Variants in VILL observed in about 807,000 individuals in gnomAD.
VILL encodes the protein villin like, also known as villin-like protein.
VILL carries 102 observed loss-of-function variants against 106.3 expected under a neutral mutation model. That is an observed-to-expected ratio of 0.96 (90% confidence interval 0.82 to 1.13). The LOEUF is 1.13. Ranked by LOEUF, VILL falls within the 50% of genes most tolerant of loss-of-function variation. The pLI, the probability that VILL is intolerant of heterozygous loss-of-function variation, is 0.00. For missense variants in VILL, 1,076 were observed against 1,116.6 expected, an observed-to-expected ratio of 0.96 and a Z score of 0.52; for synonymous variants, 431 against 440.3, an observed-to-expected ratio of 0.98 and a Z score of 0.27.
At chr3:38,002,789 C>T in intron 14 of VILL, 1 of 604,286 alleles carries the variant, frequency 1.7e-6, no homozygotes, top group Non-Finnish European at 2.8e-6. Context: ...CAGAGCCAGG[C>T]CCAGGCCGCC....
At chr3:38,005,132 C>T (rs1417018624) in intron 16 of VILL, among the ~76,000 whole-genome samples, 1 of 151,960 alleles carries the variant, frequency 6.6e-6, no homozygotes, top group Admixed American at 6.6e-5. Context: ...TGTGTGTTCT[C>T]TGCATCTCTG....
In VILL at chr3:38,002,439, C is replaced by G; in HGVS notation, c.1523C>G (p.Thr508Arg). Reference sequence around the variant, plus strand: ...GGAAAGGGGCAGTCAGCATCCACCACAAGGCTTTTCCAAGTGCAAGGCACT... The same window carrying G: ...GGAAAGGGGCAGTCAGCATCCACCAGAAGGCTTTTCCAAGTGCAAGGCACT... Reference protein sequence around the residue: ...HHGKGQSASTTRLFQVQGTDS... With the variant: ...HHGKGQSASTRRLFQVQGTDS... Residue 508 changes from threonine to arginine, a missense_variant, in exon 14 of 20, where the codon ACA (threonine) becomes AGA (arginine). Coordinates refer to ENST00000383759, the MANE Select transcript of VILL (RefSeq NM_015873.4). 1 of 1,614,042 alleles carries G rather than the reference C, an allele frequency of 6.2e-7. No homozygotes were observed. Among genetic ancestry groups the G allele is most frequent in the Non-Finnish European group, 8.5e-7 (1 of 1,179,934 alleles).
At chr3:38,002,815 C>T (rs528975426) in intron 14 of VILL, 1 of 573,858 alleles carries the variant, frequency 1.7e-6, no homozygotes, top group East Asian at 3.0e-5. Context: ...TCCTTACTGC[C>T]TGGAGCACAG....
upstream of VILL, among the ~76,000 whole-genome samples, chr3:37,988,985 A>G (rs1256803817): frequency 6.6e-6 from 1 of 152,174 alleles, no homozygotes; most frequent in African/African-American, 2.4e-5. Context: ...AAATCTTAGG[A>G]AAAAAGATCC....
chr3:37,995,875 C>T (rs1292043931), intron 5 of VILL, 28 bp downstream of exon 5: 1 of 1,596,646 alleles, frequency 6.3e-7, no homozygotes, highest in African/African-American at 1.3e-5. Flanking sequence ...GCCTCTTGAC[C>T]TCTGAACTCG....
At chr3:38,002,281 G>C (rs1298363794) in intron 13 of VILL, 115 bp from the exon 14 acceptor site, 1 of 949,400 alleles carries the variant, frequency 1.1e-6, no homozygotes. Flanking sequence ...TCACCAGTGA[G>C]GGCCTTGATG....
Position 38,001,688 on chromosome 3 carries a change from GC to G in VILL, c.1321-9del. 6.2e-7 allele frequency: 1 copy of G among 1,614,038 alleles called. No homozygotes were observed. The highest frequency in any genetic ancestry group is 8.5e-7 in the Non-Finnish European group (1 of 1,179,898). Reference sequence around the variant, plus strand: ...GAGCTGGGCCAGGCCCTCACTCACTGCCCCCACCTGCAGGGCCACCAGGCCA... The same window carrying G: ...GAGCTGGGCCAGGCCCTCACTCACTGCCCCACCTGCAGGGCCACCAGGCCA... On this transcript the variant is annotated splice_polypyrimidine_tract_variant and intron_variant, in intron 12 of 19. Coordinates refer to ENST00000383759, the MANE Select transcript of VILL (RefSeq NM_015873.4).
At chr3:38,000,442 A>C (rs1699791856) in intron 11 of VILL, among the ~76,000 whole-genome samples, 1 of 151,560 alleles carries the variant, frequency 6.6e-6, no homozygotes, top group South Asian at 2.1e-4. Flanking sequence ...GTGGAGGAAG[A>C]GCAGGGAGAG....
At chr3:38,006,298 G>A (rs758935381) in intron 18 of VILL, 46 bp downstream of exon 18, 96 of 1,613,572 alleles carry the variant, frequency 5.9e-5, no homozygotes, top group Admixed American at 2.5e-4. Context: ...CCTGGGCTCC[G>A]ACAGCATGGT....
rs1224272117 is a variant in VILL at position 37,994,478 on chromosome 3, G to T, written c.341+12G>T. On this transcript the variant is annotated intron_variant, in intron 4 of 19. Coordinates refer to ENST00000383759, the MANE Select transcript of VILL (RefSeq NM_015873.4). ...CGCCCGGGAATCATGTGAGTGCGGG[G>T]GCGACCGGGGCAGGAGGGAGCCGTG... 2 of 1,610,676 alleles carry T rather than the reference G, an allele frequency of 1.2e-6. No individual in the cohort carries two copies. The highest frequency in any genetic ancestry group is 3.4e-5 in the Admixed American group (2 of 59,412).
chr3:38,000,095 G>T (rs898771643), intron 11 of VILL, among the ~76,000 whole-genome samples: 1 of 152,254 alleles, frequency 6.6e-6, no homozygotes, highest in Admixed American at 6.5e-5. Context: ...TAAATAAAGT[G>T]GGGTCAGAAA....
chr3:37,990,023 T>G (rs939780386), upstream of VILL, among the ~76,000 whole-genome samples: 1 of 152,146 alleles, frequency 6.6e-6, no homozygotes, highest in Non-Finnish European at 1.5e-5. The surrounding 1 kb of genome is among the most constrained non-coding windows in gnomAD (Gnocchi z 5.1). Flanking sequence ...TTTAGCAGCG[T>G]GGCTTTGATG....
chr3:38,002,010 C>A, intron 13 of VILL, 150 bp downstream of exon 13: 1 of 1,308,742 alleles, frequency 7.6e-7, no homozygotes, highest in South Asian at 1.3e-5. Context: ...CCAGGAGCTC[C>A]AAGGTTGGCC....
At chr3:38,005,701 T>C in intron 16 of VILL, 91 bp from the exon 17 acceptor site, 1 of 1,428,030 alleles carries the variant, frequency 7.0e-7, no homozygotes. Context: ...TGGGGTTCTG[T>C]CTGGGACAAC....
rs773491575 is a variant in VILL, at chr3:37,993,886, C to T, written c.61-12C>T. The stretch of plus-strand genomic sequence containing the variant: ...GCCTCCTGAGTTGTTACAGGGAACT[C>T]TCCTCTCCCAGAACCGGAAGATGGT... On this transcript the variant is annotated splice_polypyrimidine_tract_variant and intron_variant, in intron 2 of 19. Transcript: ENST00000383759. The T allele has an allele frequency of 6.2e-7, 1 of 1,614,188 alleles. No individual in the cohort carries two copies. Among genetic ancestry groups the T allele is most frequent in the South Asian group, 1.1e-5 (1 of 91,080 alleles).
chr3:38,004,501 G>C (rs1051503050), intron 16 of VILL, 102 bp downstream of exon 16: 4 of 1,476,606 alleles, frequency 2.7e-6, no homozygotes, highest in Non-Finnish European at 3.7e-6. Context: ...TGTACACAGG[G>C]CTGTGGGTGA....
chr3:37,996,715 A>G (rs1007337480), intron 5 of VILL, among the ~76,000 whole-genome samples: 3 of 152,134 alleles, frequency 2.0e-5, no homozygotes, highest in African/African-American at 7.2e-5. Flanking sequence ...TTTACTCTCA[A>G]AAGTGTGTCC....
chr3:38,001,241 G>A (rs945418301), intron 11 of VILL: 3 of 674,370 alleles, frequency 4.4e-6, no homozygotes, highest in Non-Finnish European at 7.4e-6. Flanking sequence ...CAAGTGTGGT[G>A]GGTTTCAGGG....
chr3:37,993,756 G>A, intron 2 of VILL, 24 bp downstream of exon 2: 1 of 1,613,338 alleles, frequency 6.2e-7, no homozygotes, highest in Non-Finnish European at 8.5e-7. Context: ...CCAAATAGGA[G>A]AGTTGGTGAC....
Sources: gnomAD v4.1 joint callset for allele counts (sites outside exome capture counted in the v4.1 genomes callset) on GRCh38, gnomAD v4.1.1 for gene constraint, Gnocchi (gnomAD v3.1) non-coding constraint, MANE v1.5 for transcripts, NCBI Gene and HGNC (gene_info 2026-07-23, HGNC 2026-07-21) for gene names.